CSNK1A1: variants seen among roughly 807,000 people sequenced by gnomAD.
CSNK1A1 encodes casein kinase I isoform alpha.
CSNK1A1 carries 7 observed loss-of-function variants against 46.1 expected under a neutral mutation model. The observed-to-expected ratio is 0.15, with a 90% CI of 0.09 to 0.29. The LOEUF (loss-of-function observed/expected upper bound fraction) is 0.29, where lower values mean the gene tolerates loss of function less well. CSNK1A1 is among the 10% of genes least tolerant of loss of function. The probability of loss-of-function intolerance (pLI) is 1.00; values close to 1 mark genes in which losing one functional copy is unlikely to be tolerated. For synonymous variants in CSNK1A1, 137 were observed against 141.5 expected (o/e 0.97, Z 0.23); for missense variants, 96 against 417.1 (o/e 0.23, Z 6.71).
chr5:149,511,693 A>G, intron 6 of CSNK1A1, 101 bp downstream of exon 6: 1 of 813,814 alleles, frequency 1.2e-6, no homozygotes, highest in Non-Finnish European at 2.0e-6. Context: ...TATCTCAGAA[A>G]AATCTCAGAC....
intron 2 of CSNK1A1, chr5:149,549,328 G>T (rs1762584583): frequency 1.7e-6 from 1 of 605,964 alleles, no homozygotes; most frequent in African/African-American, 1.8e-5. Context: ...TTCACGAAAA[G>T]AAAGAGTAAT....
chr5:149,542,698 T>A (rs1234870451), intron 2 of CSNK1A1, among the ~76,000 whole-genome samples: 20 of 64,178 alleles, frequency 3.1e-4, no homozygotes, highest in Admixed American at 4.2e-4. Flanking sequence ...ATATATTTTT[T>A]TTTTTTTTTT....
intron 6 of CSNK1A1, among the ~76,000 whole-genome samples, chr5:149,511,062 A>C (rs1242762202): frequency 2.6e-5 from 4 of 152,190 alleles, no homozygotes; most frequent in African/African-American, 9.6e-5. Context: ...GTGGTGACTC[A>C]CACCTGTAAT....
intron 2 of CSNK1A1, among the ~76,000 whole-genome samples, chr5:149,535,604 T>C (rs1426673589): frequency 6.6e-6 from 1 of 152,188 alleles, no homozygotes; most frequent in African/African-American, 2.4e-5. Flanking sequence ...TATCTCCTAA[T>C]ACACTATTAA....
At chr5:149,531,935 G>A (rs1315972798) in intron 2 of CSNK1A1, among the ~76,000 whole-genome samples, 1 of 152,052 alleles carries the variant, frequency 6.6e-6, no homozygotes, top group Non-Finnish European at 1.5e-5. Flanking sequence ...CCAGGCTGGA[G>A]TGCAATGGTG....
intron 6 of CSNK1A1, among the ~76,000 whole-genome samples, chr5:149,511,362 T>C (rs1222798864): frequency 1.4e-5 from 2 of 145,428 alleles, no homozygotes; most frequent in African/African-American, 5.0e-5. Context: ...TGATTTATCA[T>C]TAACATACAC....
At chr5:149,512,292 CACAT>C (rs1761250571) in intron 5 of CSNK1A1, among the ~76,000 whole-genome samples, 1 of 151,564 alleles carries the variant, frequency 6.6e-6, no homozygotes, top group Non-Finnish European at 1.5e-5. Context: ...TATCTATATA[CACAT>C]ACATACAAAT....
chr5:149,501,589 G>C, intron 9 of CSNK1A1: 1 of 985,246 alleles, frequency 1.0e-6, no homozygotes, highest in South Asian at 4.7e-5. Flanking sequence ...TTTGAGAGCT[G>C]TCTATATTAT....
chr5:149,541,970 CAAAAAAAAAAAAAA>C (rs1171466150), intron 2 of CSNK1A1, among the ~76,000 whole-genome samples: 3 of 40,040 alleles, frequency 7.5e-5, no homozygotes, highest in Admixed American at 3.1e-4. Context: ...GACTGCATCT[CAAAAAAAAAAAAAA>C]AAAAAAAAAA....
At chr5:149,542,633 T>TAC (rs1762305329) in intron 2 of CSNK1A1, among the ~76,000 whole-genome samples, 6 of 12,158 alleles carry the variant, frequency 4.9e-4, no homozygotes, top group South Asian at 6.9e-3. Context: ...TATATATATA[T>TAC]ATATATGTAT....
intron 9 of CSNK1A1, chr5:149,497,992 C>G: frequency 3.1e-6 from 2 of 644,766 alleles, no homozygotes; most frequent in Non-Finnish European, 3.9e-6. Flanking sequence ...TGCCACCATG[C>G]CTGGCTAATT....
chr5:149,499,869 G>A (rs1055175698), intron 9 of CSNK1A1, among the ~76,000 whole-genome samples: 1 of 151,604 alleles, frequency 6.6e-6, no homozygotes, highest in African/African-American at 2.4e-5. Flanking sequence ...CAAGCTACAA[G>A]ACAACTTTTT....
At chr5:149,548,072 C>T (rs13175034) in intron 2 of CSNK1A1, among the ~76,000 whole-genome samples, 43,131 of 151,602 alleles carry the variant, frequency 0.28, 6,816 homozygotes, top group East Asian at 0.62. Flanking sequence ...GGTTTCACCA[C>T]GTTGGCCAGG....
In CSNK1A1 at chr5:149,550,513, T is replaced by TAA. The variant is rs11478467; in HGVS notation, c.123+327_123+328dup. On this transcript the variant is annotated intron_variant, in intron 1 of 9. Coordinates refer to ENST00000377843, the MANE Select transcript of CSNK1A1 (RefSeq NM_001892.6). This position sits in a 1 kb window ranked among gnomAD's most constrained non-coding sequence, Gnocchi z 4.3. ...CAAGAGGCCCAGTAGAATTAAGAAT[T>TAA]AAAAAAAAAAAAACATGGGAATCAC... 6.9e-6 allele frequency among the ~76,000 whole-genome samples: 1 copy of TAA among 144,362 alleles called. No individual in the cohort carries two copies. Among genetic ancestry groups the TAA allele is most frequent in the Admixed American group, 6.9e-5 (1 of 14,532 alleles). The allele number at this position is 144,362 out of a possible 152,430, so 94.7% of individuals were successfully genotyped here.
rs1761711731 is a variant in CSNK1A1 at position 149,525,816 on chromosome 5, C to T, written c.231-645G>A. ...TATCAACTGCCAATTTCATTTATCC[C>T]AAGGACTGAAAATCACTGCAATAAA... is the stretch of plus-strand genomic sequence containing the variant. On this transcript the variant is annotated intron_variant, in intron 2 of 9. Coordinates refer to ENST00000377843, the MANE Select transcript of CSNK1A1 (RefSeq NM_001892.6). The surrounding 1 kb of genome is among the most constrained non-coding windows in gnomAD (Gnocchi z 4.2). Among the ~76,000 whole-genome samples, 1 of 152,148 alleles carries T rather than the reference C, an allele frequency of 6.6e-6. No homozygotes were observed. The highest frequency in any genetic ancestry group is 1.5e-5 in the Non-Finnish European group (1 of 68,018).
intron 4 of CSNK1A1, among the ~76,000 whole-genome samples, chr5:149,516,300 G>A (rs1331532869): frequency 6.6e-6 from 1 of 151,840 alleles, no homozygotes. Flanking sequence ...CTCCTGCCTG[G>A]GCAACAGAGT....
At chr5:149,540,060 A>T (rs1762180837) in intron 2 of CSNK1A1, among the ~76,000 whole-genome samples, 1 of 152,248 alleles carries the variant, frequency 6.6e-6, no homozygotes, top group South Asian at 2.1e-4. Context: ...ATTATACCTT[A>T]AAATTAGAAC....
chr5:149,506,398 G>A (rs548522155), intron 8 of CSNK1A1, among the ~76,000 whole-genome samples: 2 of 151,608 alleles, frequency 1.3e-5, no homozygotes, highest in South Asian at 2.1e-4. Flanking sequence ...CACCTCACCC[G>A]GCTAATTTTT....
At position 149,542,634 on chromosome 5, in the gene CSNK1A1, A is replaced by G. The variant is rs1178171282; in HGVS notation, c.230+7441T>C. Among the ~76,000 whole-genome samples, 96 of 10,366 alleles carry G rather than the reference A, an allele frequency of 9.3e-3. 7 individuals are homozygous for G. The highest frequency in any genetic ancestry group is 0.055 in the African/African-American group (79 of 1,444). The allele number at this position is 10,366 out of a possible 152,430, so 6.8% of individuals were successfully genotyped here. A position where few individuals can be genotyped will look rare whatever the true frequency, so the allele number is the denominator to read the frequency against. On this transcript the variant is annotated intron_variant, in intron 2 of 9. Coordinates refer to ENST00000377843, the MANE Select transcript of CSNK1A1 (RefSeq NM_001892.6). ...TATATATATATATATATATATATAT[A>G]TATATGTATATATATATATATATAT...
Sources: gnomAD v4.1 joint callset for allele counts (sites outside exome capture counted in the v4.1 genomes callset) on GRCh38, gnomAD v4.1.1 for gene constraint, Gnocchi (gnomAD v3.1) non-coding constraint, MANE v1.5 for transcripts, NCBI Gene and HGNC (gene_info 2026-07-23, HGNC 2026-07-21) for gene names.